BSND: variants seen among roughly 807,000 people sequenced by gnomAD.
The protein encoded by BSND is barttin.
A neutral mutation model predicts 18.8 loss-of-function variants in BSND; 13 were observed. The ratio of observed to expected loss-of-function variants is 0.69; its 90% CI spans 0.45 to 1.10. BSND has a LOEUF of 1.10. Ranked by LOEUF, BSND falls within the 50% of genes least tolerant of loss-of-function variation. BSND has a pLI of 0.00. For missense variants in BSND, 379 were observed against 416.7 expected (o/e 0.91, Z 0.79); for synonymous variants, 170 against 161.8 (o/e 1.05, Z -0.39).
chr1:55,009,010 T>C lies in BSND; in HGVS notation c.*382T>C, dbSNP rs1356976098. 4 of 341,526 alleles carry C rather than the reference T, an allele frequency of 1.2e-5. No homozygotes were observed. Among genetic ancestry groups the C allele is most frequent in the Non-Finnish European group, 1.7e-5 (3 of 177,898 alleles). The allele number at this position is 341,526 out of a possible 1,614,324, so 21.2% of individuals were successfully genotyped here. ...TTCCCATTCCTATTGTGTCTTATAGTCCACTTGGTAGATGGCGTGATCCGT... is the reference window on the plus strand; with the variant it reads ...TTCCCATTCCTATTGTGTCTTATAGCCCACTTGGTAGATGGCGTGATCCGT... On this transcript the variant is annotated 3_prime_UTR_variant, in exon 4 of 4. Transcript: ENST00000651561.
intron 1 of BSND, among the ~76,000 whole-genome samples, chr1:55,000,568 G>A (rs1181015813): frequency 2.0e-5 from 3 of 152,238 alleles, no homozygotes; most frequent in Admixed American, 2.0e-4. Flanking sequence ...CCACCTGGGT[G>A]GCTGTGCTCA....
chr1:55,015,158 G>A lies in BSND; in HGVS notation c.*6530G>A, dbSNP rs1179185263. 6.6e-6 allele frequency among the ~76,000 whole-genome samples: 1 copy of A among 152,236 alleles called. No individual in the cohort carries two copies. The highest frequency in any genetic ancestry group is 6.5e-5 in the Admixed American group (1 of 15,284). On this transcript the variant is annotated 3_prime_UTR_variant, in exon 4 of 4. Transcript: ENST00000651561. ...ATACTAACAGATACAAAAGGGAAAG[G>A]TGGCACGTATTGGTGGCAAGAAGGC...
At chr1:55,001,323 G>A (rs535024717) in intron 1 of BSND, among the ~76,000 whole-genome samples, 4 of 151,908 alleles carry the variant, frequency 2.6e-5, no homozygotes, top group East Asian at 1.9e-4. Context: ...TGGTATTTGC[G>A]GCACTGGGTG....
rs192197777 is a variant in BSND, at chr1:55,009,193, G to A, written c.*565G>A. The A allele has an allele frequency of 7.7e-5, 13 of 169,370 alleles. No homozygotes were observed. Among genetic ancestry groups the A allele is most frequent in the Non-Finnish European group, 1.2e-4 (9 of 78,232 alleles). 10.5% of individuals were successfully genotyped at this position (169,370 alleles called of 1,614,324 possible). On this transcript the variant is annotated 3_prime_UTR_variant, in exon 4 of 4. Transcript: ENST00000651561. ...AGCCTAGCCCCCCTGCCCATCTTGC[G>A]GCTCACACTCTTGCCCAAGCTGTTC... is the stretch of plus-strand genomic sequence containing the variant.
At chr1:55,003,998 A>G (rs1375322738) in intron 1 of BSND, among the ~76,000 whole-genome samples, 4 of 152,144 alleles carry the variant, frequency 2.6e-5, no homozygotes, top group Non-Finnish European at 5.9e-5. Context: ...TTAAATCACA[A>G]TTCCCCATTA....
At chr1:55,000,395 G>T (rs1191917863) in intron 1 of BSND, among the ~76,000 whole-genome samples, 1 of 150,536 alleles carries the variant, frequency 6.6e-6, no homozygotes, top group African/African-American at 2.4e-5. Context: ...GGGAGACTTT[G>T]CTCAAGCCCC....
rs1396104408 is a variant in BSND, at chr1:55,012,830, A to G, written c.*4202A>G. Among the ~76,000 whole-genome samples the G allele has an allele frequency of 6.6e-6, 1 of 152,190 alleles. No homozygotes were observed. Among genetic ancestry groups the G allele is most frequent in the African/African-American group, 2.4e-5 (1 of 41,450 alleles). ...CAGGAGGGGAGCAGCATGCTGAGTG[A>G]GAGAGGCAGCACCCTGGAAGCTTGG... On this transcript the variant is annotated 3_prime_UTR_variant, in exon 4 of 4. Transcript: ENST00000651561.
Position 55,016,331 on chromosome 1 carries a change from GA to G in BSND, c.*7707del, listed in dbSNP as rs1474993337. 6.6e-6 allele frequency among the ~76,000 whole-genome samples: 1 copy of G among 152,186 alleles called. No individual in the cohort carries two copies. Among genetic ancestry groups the G allele is most frequent in the Non-Finnish European group, 1.5e-5 (1 of 68,022 alleles). On this transcript the variant is annotated 3_prime_UTR_variant, in exon 4 of 4. Transcript: ENST00000651561. ...CTGTGATCCCACAAAAGAAACAAAT[GA>G]AAACATGGTTAACCTCAGGGGAATG...
chr1:55,008,733 C>G lies in BSND; in HGVS notation c.*105C>G. On this transcript the variant is annotated 3_prime_UTR_variant, in exon 4 of 4. Transcript: ENST00000651561. ...TGCAAAATGGGATGATATGGAGGTT[C>G]AATGAGATGGTGGCATTTTGAGAAT... The G allele has an allele frequency of 6.7e-7, 1 of 1,503,520 alleles. No homozygotes were observed. 93.1% of individuals were successfully genotyped at this position (1,503,520 alleles called of 1,614,324 possible). A position where few individuals can be genotyped will look rare whatever the true frequency, so the allele number is the denominator to read the frequency against.
Position 55,016,601 on chromosome 1 carries a change from G to GT in BSND, c.*7975dup, listed in dbSNP as rs527631907. Reference sequence around the variant, plus strand: ...TTATTCTAGTTTTGTTGTTGTTGTTGTTGTTTGTTTGTTGTTTTGAGACAA... The same window carrying GT: ...TTATTCTAGTTTTGTTGTTGTTGTTGTTTGTTTGTTTGTTGTTTTGAGACAA... On this transcript the variant is annotated 3_prime_UTR_variant, in exon 4 of 4. Transcript: ENST00000651561. 0.016 allele frequency among the ~76,000 whole-genome samples: 2,412 copies of GT among 151,396 alleles called. 73 individuals carry two copies. Among genetic ancestry groups the GT allele is most frequent in the African/African-American group, 0.055 (2,283 of 41,186 alleles).
At position 55,010,375 on chromosome 1, in the gene BSND, T is replaced by TA. The variant is rs948424446; in HGVS notation, c.*1748dup. 53 of 152,286 alleles carry TA rather than the reference T, an allele frequency of 3.5e-4. No homozygotes were observed. Among genetic ancestry groups the TA allele is most frequent in the African/African-American group, 1.3e-3 (52 of 41,456 alleles). 9.4% of individuals were successfully genotyped at this position (152,286 alleles called of 1,614,324 possible). On this transcript the variant is annotated 3_prime_UTR_variant, in exon 4 of 4. Coordinates refer to ENST00000651561, the MANE Select transcript of BSND (RefSeq NM_057176.3). ...AACCATCTCAGGGTGATGCTATTGT[T>TA]ACGCTGATCCCTGCAACGCTTGCCT...
At chr1:55,005,610 T>A (rs1644385536) in intron 2 of BSND, among the ~76,000 whole-genome samples, 1 of 152,144 alleles carries the variant, frequency 6.6e-6, no homozygotes, top group Admixed American at 6.5e-5. Context: ...CAGGGAGGGT[T>A]AAGTGAGATA....
rs1570273670 is a variant in BSND at position 55,007,159 on chromosome 1, T to C, written c.435T>C (p.Asp145=). Reference sequence around the variant, plus strand: ...GGCAGCCGAAGCTGGGAACCAGTGATGGAGGAGAAGGTGGCCCTGGCGACG... The same window carrying C: ...GGCAGCCGAAGCTGGGAACCAGTGACGGAGGAGAAGGTGGCCCTGGCGACG... The part of the protein sequence containing the change: ...EMGQPKLGTS[D]GGEGGPGDVQ... Residue 145 remains aspartate, a synonymous_variant, in exon 3 of 4, where the codon GAT becomes GAC. Coordinates refer to ENST00000651561, the MANE Select transcript of BSND (RefSeq NM_057176.3). 1 of 1,614,078 alleles carries C rather than the reference T, an allele frequency of 6.2e-7. No individual in the cohort carries two copies.
chr1:55,004,445 C>G (rs917088558), intron 1 of BSND, among the ~76,000 whole-genome samples: 1 of 152,256 alleles, frequency 6.6e-6, no homozygotes, highest in Non-Finnish European at 1.5e-5. Flanking sequence ...CACAGCTCCT[C>G]TCCCTCACCC....
Position 55,008,307 on chromosome 1 carries a change from T to G in BSND, c.642T>G (p.Ser214=), listed in dbSNP as rs1027496341. The change falls in exon 4 of 4, where the codon TCT becomes TCG. Residue 214 remains serine, a synonymous_variant. Transcript: ENST00000651561. ...DSSEGSSPNA[S]PHDREEACSP... ...GTGAAGGCAGCAGCCCCAATGCATC[T>G]CCACATGACAGGGAGGAAGCTTGTT... 1.1e-5 allele frequency: 17 copies of G among 1,614,168 alleles called. No individual in the cohort carries two copies. The highest frequency in any genetic ancestry group is 1.4e-5 in the Non-Finnish European group (16 of 1,180,040).
intron 2 of BSND, 135 bp from the exon 3 acceptor site, chr1:55,006,861 CG>C: frequency 7.8e-7 from 1 of 1,280,780 alleles, no homozygotes; most frequent in Non-Finnish European, 1.1e-6. Flanking sequence ...ATCCCTGAAA[CG>C]GGCGCAGTAA....
chr1:55,007,238 GA>G lies in BSND; in HGVS notation c.516del (p.Glu174LysfsTer4), dbSNP rs1356160642. ...CATCCACAAGGGCTCAGACGAGAGT[GA>G]AGGGGAAAGACGCCTAACTCAGAGC... ...VVIHKGSDESEGERRLTQSWP... is the reference protein window; with the variant it reads ...VVIHKGSDESXGERRLTQSWP... On this transcript the variant is annotated frameshift_variant, in exon 3 of 4. Coordinates refer to ENST00000651561, the MANE Select transcript of BSND (RefSeq NM_057176.3). LOFTEE classifies it low-confidence loss of function (END_TRUNC). 1.9e-6 allele frequency: 3 copies of G among 1,611,528 alleles called. No individual in the cohort carries two copies. The African/African-American group carries it at 4.0e-5, about 22-fold the overall frequency.
intron 1 of BSND, among the ~76,000 whole-genome samples, chr1:55,003,579 C>T (rs1330750386): frequency 1.3e-5 from 2 of 152,110 alleles, no homozygotes; most frequent in East Asian, 3.9e-4. Context: ...CTTCTACTCA[C>T]TTTGCTCTAT....
At chr1:55,000,616 T>C (rs941441799) in intron 1 of BSND, among the ~76,000 whole-genome samples, 1 of 152,258 alleles carries the variant, frequency 6.6e-6, no homozygotes, top group Non-Finnish European at 1.5e-5. Flanking sequence ...CCCTGGGGCC[T>C]GGGCCGGCTC....
Sources: gnomAD v4.1 joint callset for allele counts (sites outside exome capture counted in the v4.1 genomes callset) on GRCh38, gnomAD v4.1.1 for gene constraint, MANE v1.5 for transcripts, NCBI Gene and HGNC (gene_info 2026-07-23, HGNC 2026-07-21) for gene names.